The following KDM7A variants were observed in gnomAD, a reference collection of about 807,000 sequenced individuals.
KDM7A encodes lysine demethylase 7A.
Under a neutral mutation model 114.8 loss-of-function variants are expected in KDM7A, and 28 were observed. That is an observed-to-expected ratio of 0.24 (90% CI 0.18 to 0.33). The LOEUF is 0.33. Among genes scored for constraint, KDM7A ranks in the 10% least tolerant of loss-of-function variants. The pLI, the probability that KDM7A is intolerant of heterozygous loss-of-function variation, is 1.00. For missense variants in KDM7A, 942 were observed against 1,142.5 expected (o/e 0.82, Z 2.53); for synonymous variants, 423 against 397.8 (o/e 1.06, Z -0.75).
At chr7:140,100,697 TA>T (rs1562945985) in intron 12 of KDM7A, among the ~76,000 whole-genome samples, 46 of 77,330 alleles carry the variant, frequency 5.9e-4, no homozygotes, top group East Asian at 2.4e-3. Context: ...TACATATATA[TA>T]TATATATATA....
chr7:140,107,506 G>T (rs1818358345), intron 11 of KDM7A, among the ~76,000 whole-genome samples: 1 of 152,142 alleles, frequency 6.6e-6, no homozygotes, highest in Non-Finnish European at 1.5e-5. Flanking sequence ...CTCTGTAAAG[G>T]ATTTTATTTC....
At chr7:140,151,216 C>T (rs1248293487) in intron 1 of KDM7A, among the ~76,000 whole-genome samples, 2 of 152,164 alleles carry the variant, frequency 1.3e-5, no homozygotes, top group African/African-American at 4.8e-5. Context: ...AACTATTGAT[C>T]TAAAACTCTA....
chr7:140,175,953 C>T (rs967116871), intron 1 of KDM7A, among the ~76,000 whole-genome samples: 4 of 152,020 alleles, frequency 2.6e-5, no homozygotes, highest in African/African-American at 9.7e-5. Context: ...CTTCGGGCCG[C>T]CGCAACCCAC....
chr7:140,128,049 G>A (rs1818733901), intron 4 of KDM7A, among the ~76,000 whole-genome samples: 1 of 152,044 alleles, frequency 6.6e-6, no homozygotes, highest in African/African-American at 2.4e-5. Context: ...ATCACTCATT[G>A]GGGAATTAGC....
At chr7:140,148,033 A>G (rs957167051) in intron 1 of KDM7A, among the ~76,000 whole-genome samples, 2 of 152,180 alleles carry the variant, frequency 1.3e-5, no homozygotes, top group Non-Finnish European at 2.9e-5. Flanking sequence ...CATAAACAGC[A>G]GCTATTAATA....
intron 11 of KDM7A, among the ~76,000 whole-genome samples, chr7:140,105,165 T>C (rs1818309055): frequency 6.6e-6 from 1 of 152,224 alleles, no homozygotes; most frequent in Admixed American, 6.5e-5. Flanking sequence ...CTGAAGTTGC[T>C]TGTCAGCTTA....
intron 17 of KDM7A, among the ~76,000 whole-genome samples, chr7:140,094,482 GC>G (rs1426951408): frequency 6.6e-6 from 1 of 151,774 alleles, no homozygotes; most frequent in Non-Finnish European, 1.5e-5. Context: ...TCCAGCCTAG[GC>G]AACAGAGTGA....
At chr7:140,121,780 T>C (rs1346927802) in intron 7 of KDM7A, among the ~76,000 whole-genome samples, 2 of 152,138 alleles carry the variant, frequency 1.3e-5, no homozygotes, top group Non-Finnish European at 2.9e-5. Flanking sequence ...GCCTAGAAAT[T>C]AGAACTCCAT....
At chr7:140,173,722 T>C (rs1056562930) in intron 1 of KDM7A, among the ~76,000 whole-genome samples, 2 of 152,144 alleles carry the variant, frequency 1.3e-5, no homozygotes, top group Non-Finnish European at 2.9e-5. Context: ...TCAATTCTCA[T>C]GGAAGCAAAT....
chr7:140,176,731 G>C lies in KDM7A; in HGVS notation c.194+13C>G. ...GGCGGTGGCGGCTGCGGGGCTGGAGGGGGTTTATTTACCTGCCGTGGAACC... is the reference window on the plus strand; with the variant it reads ...GGCGGTGGCGGCTGCGGGGCTGGAGCGGGTTTATTTACCTGCCGTGGAACC... On this transcript the variant is annotated intron_variant, in intron 1 of 19. Coordinates refer to ENST00000397560, the MANE Select transcript of KDM7A (RefSeq NM_030647.2). The surrounding 1 kb of genome is among the most constrained non-coding windows in gnomAD (Gnocchi z 4.4). 1.5e-6 allele frequency: 2 copies of C among 1,308,770 alleles called. No homozygotes were observed. Among genetic ancestry groups the C allele is most frequent in the Non-Finnish European group, 2.0e-6 (2 of 1,000,196 alleles). The allele number at this position is 1,308,770 out of a possible 1,614,324, so 81.1% of individuals were successfully genotyped here.
At chr7:140,091,660 T>C in intron 19 of KDM7A, 144 bp downstream of exon 19, 3 of 879,400 alleles carry the variant, frequency 3.4e-6, no homozygotes, top group Admixed American at 4.7e-5. Flanking sequence ...GTTCCTGTAG[T>C]AGCCTGTGTA....
intron 5 of KDM7A, among the ~76,000 whole-genome samples, chr7:140,127,035 C>T (rs1445269157): frequency 1.3e-5 from 2 of 152,236 alleles, no homozygotes; most frequent in Non-Finnish European, 2.9e-5. Flanking sequence ...TCCTGGCTCA[C>T]TGCAAACTCC....
chr7:140,093,982 T>G, intron 18 of KDM7A, 74 bp downstream of exon 18: 1 of 935,658 alleles, frequency 1.1e-6, no homozygotes, highest in Non-Finnish European at 1.8e-6. Flanking sequence ...TTGTTACAGT[T>G]TTAAAAAAGA....
In KDM7A at chr7:140,157,994, ATAAT is replaced by A. The variant is rs1377159212; in HGVS notation, c.194+18746_194+18749del. Among the ~76,000 whole-genome samples the A allele has an allele frequency of 1.4e-3, 190 of 137,014 alleles. 2 individuals carry two copies. The highest frequency in any genetic ancestry group is 5.4e-3 in the African/African-American group (182 of 33,594). The allele number at this position is 137,014 out of a possible 152,430, so 89.9% of individuals were successfully genotyped here. A position where few individuals can be genotyped will look rare whatever the true frequency, so the allele number is the denominator to read the frequency against. ...AAAAAATAAATAAATAAATAAATAAATAATAATAATAATAATAATAATAATTGAA... is the reference window on the plus strand; with the variant it reads ...AAAAAATAAATAAATAAATAAATAAAAATAATAATAATAATAATAATTGAA... On this transcript the variant is annotated intron_variant, in intron 1 of 19. Transcript: ENST00000397560.
At chr7:140,109,356 G>A (rs1818395691) in intron 11 of KDM7A, among the ~76,000 whole-genome samples, 1 of 152,208 alleles carries the variant, frequency 6.6e-6, no homozygotes, top group Non-Finnish European at 1.5e-5. Context: ...CTCACGCTGG[G>A]AGCTGTAGAC....
chr7:140,100,124 C>T, intron 12 of KDM7A, 101 bp from the exon 13 acceptor site: 3 of 1,282,950 alleles, frequency 2.3e-6, no homozygotes, highest in Middle Eastern at 1.9e-4. Context: ...GGTCCTGCAT[C>T]TCAAAGATAC....
rs780635396 is a variant in KDM7A at position 140,087,423 on chromosome 7, T to G, written c.*3671A>C. ...TTTTAATCCAGCACCTTGTTGGAGA[T>G]TCCTCGGATTTTTAAAGTAGCATGC... On this transcript the variant is annotated 3_prime_UTR_variant, in exon 20 of 20. Coordinates refer to ENST00000397560, the MANE Select transcript of KDM7A (RefSeq NM_030647.2). 16 of 152,250 alleles carry G rather than the reference T, an allele frequency of 1.1e-4. No homozygotes were observed. Among genetic ancestry groups the G allele is most frequent in the East Asian group, 1.9e-4 (1 of 5,206 alleles). 9.4% of individuals were successfully genotyped at this position (152,250 alleles called of 1,614,324 possible).
At chr7:140,164,342 G>C (rs1264911386) in intron 1 of KDM7A, among the ~76,000 whole-genome samples, 2 of 152,178 alleles carry the variant, frequency 1.3e-5, no homozygotes, top group Non-Finnish European at 2.9e-5. Context: ...GGAGATTTTA[G>C]ACTAGATCAT....
At chr7:140,165,186 T>C (rs949805005) in intron 1 of KDM7A, among the ~76,000 whole-genome samples, 55 of 152,364 alleles carry the variant, frequency 3.6e-4, no homozygotes, top group African/African-American at 1.3e-3. Flanking sequence ...ATTAATGCTC[T>C]AGAGACTCCT....
Sources: allele counts gnomAD v4.1 joint callset (sites outside exome capture counted in the v4.1 genomes callset), GRCh38; gene constraint gnomAD v4.1.1; non-coding constraint Gnocchi (gnomAD v3.1); transcripts MANE v1.5; gene names NCBI Gene and HGNC (gene_info 2026-07-23, HGNC 2026-07-21).